Variants in NUCB2 observed in about 807,000 individuals in gnomAD.
The protein encoded by NUCB2 is nucleobindin 2.
NUCB2 carries 48 observed loss-of-function variants against 57.9 expected under a neutral mutation model. The ratio of observed to expected loss-of-function variants is 0.83; its 90% confidence interval spans 0.66 to 1.05. The LOEUF (loss-of-function observed/expected upper bound fraction) is 1.05. NUCB2 is among the 50% of genes least tolerant of loss of function. NUCB2 has a pLI of 0.00. For synonymous variants in NUCB2, 139 were observed against 152.1 expected, an observed-to-expected ratio of 0.91 and a Z score of 0.64; for missense variants, 442 against 476.2, an observed-to-expected ratio of 0.93 and a Z score of 0.67.
chr11:17,344,090 A>T (rs971515781), intron 2 of NUCB2, among the ~76,000 whole-genome samples: 1 of 152,116 alleles, frequency 6.6e-6, no homozygotes, highest in Non-Finnish European at 1.5e-5. Flanking sequence ...TTTCTGACTC[A>T]TGGGGTGGGT....
At chr11:17,284,984 G>C (rs1943379193) in intron 2 of NUCB2, among the ~76,000 whole-genome samples, 1 of 151,074 alleles carries the variant, frequency 6.6e-6, no homozygotes, top group Admixed American at 6.6e-5. Flanking sequence ...ATAAATATTA[G>C]TTTAGTTTTG....
chr11:17,319,903 C>G (rs992763974), intron 11 of NUCB2, among the ~76,000 whole-genome samples: 1 of 152,116 alleles, frequency 6.6e-6, no homozygotes, highest in Non-Finnish European at 1.5e-5. Flanking sequence ...CTCTATCCTC[C>G]TATAGGCCCC....
At chr11:17,287,238 A>C (rs1943910658) in intron 2 of NUCB2, among the ~76,000 whole-genome samples, 1 of 152,114 alleles carries the variant, frequency 6.6e-6, no homozygotes, top group Admixed American at 6.6e-5. Flanking sequence ...AAGCTGAGGC[A>C]AGAGGATCTC....
In NUCB2 at chr11:17,300,805, T is replaced by C. The variant is rs751663885; in HGVS notation, c.253-939T>C. Among the ~76,000 whole-genome samples the C allele has an allele frequency of 1.8e-4, 27 of 152,300 alleles. No homozygotes were observed. In the Middle Eastern group the frequency reaches 0.01, roughly 58 times the overall value. On this transcript the variant is annotated intron_variant, in intron 4 of 13. Transcript: ENST00000529010. ...ATCTAGGAATGGAATTGTTGGGTCA[T>C]GGTAACCCTATGTTTAACTTTCTGA...
chr11:17,317,632 A>G (rs1478505167), intron 11 of NUCB2: 3 of 392,548 alleles, frequency 7.6e-6, no homozygotes, highest in Non-Finnish European at 1.0e-5. Context: ...ATGTTGTACA[A>G]TGTCCCTTGA....
intron 11 of NUCB2, among the ~76,000 whole-genome samples, chr11:17,325,379 A>G (rs1289697510): frequency 2.0e-5 from 3 of 152,148 alleles, no homozygotes; most frequent in Non-Finnish European, 2.9e-5. Flanking sequence ...TGTTGGGTGC[A>G]TATCTGTTTA....
intron 2 of NUCB2, among the ~76,000 whole-genome samples, chr11:17,292,245 A>G (rs968354511): frequency 6.6e-6 from 1 of 152,204 alleles, no homozygotes; most frequent in African/African-American, 2.4e-5. Context: ...GTGCAGCTGT[A>G]ACTAGAATAT....
chr11:17,315,890 G>A (rs542075195), intron 11 of NUCB2, among the ~76,000 whole-genome samples: 15 of 136,920 alleles, frequency 1.1e-4, no homozygotes. Flanking sequence ...TATACAGTAT[G>A]TAAACAATGT....
At chr11:17,331,036 T>C in intron 13 of NUCB2, 53 bp downstream of exon 13, 1 of 1,072,836 alleles carries the variant, frequency 9.3e-7, no homozygotes, top group Non-Finnish European at 1.4e-6. Context: ...TTTTATCAAT[T>C]GAAATCCACA....
intron 11 of NUCB2, among the ~76,000 whole-genome samples, chr11:17,327,203 G>A (rs1950797569): frequency 6.6e-6 from 1 of 152,104 alleles, no homozygotes; most frequent in Admixed American, 6.5e-5. Flanking sequence ...TGGGATTACA[G>A]GTGTGTGCCA....
chr11:17,277,109 C>T (rs214085), intron 1 of NUCB2: 71,642 of 152,058 alleles, frequency 0.47, 17,612 homozygotes, highest in East Asian at 0.8. Flanking sequence ...GGTGCCAAAC[C>T]GAGACCCTGG....
rs1189973709 is a variant in NUCB2 at position 17,296,170 on chromosome 11, T to C, written c.211T>C (p.Phe71Leu). ...TGATGTGCTGGAAACAGATAAACACTTCAGAGAAAAGCTCCAGAAAGCAGA... is the reference window on the plus strand; with the variant it reads ...TGATGTGCTGGAAACAGATAAACACCTCAGAGAAAAGCTCCAGAAAGCAGA... ...VIDVLETDKHFREKLQKADIE... is the reference protein window; with the variant it reads ...VIDVLETDKHLREKLQKADIE... The change falls in exon 4 of 14, where the codon TTC becomes CTC. Residue 71 changes from phenylalanine (F) to leucine (L), a missense_variant. Coordinates refer to ENST00000529010, the MANE Select transcript of NUCB2 (RefSeq NM_005013.4). 6.2e-7 allele frequency: 1 copy of C among 1,611,678 alleles called. No homozygotes were observed. The highest frequency in any genetic ancestry group is 2.2e-5 in the East Asian group (1 of 44,722).
At position 17,330,037 on chromosome 11, in the gene NUCB2, T is replaced by C. The variant is rs1951191788; in HGVS notation, c.1003-90T>C. 1 of 696,864 alleles carries C rather than the reference T, an allele frequency of 1.4e-6. No individual in the cohort carries two copies. Among genetic ancestry groups the C allele is most frequent in the Non-Finnish European group, 2.3e-6 (1 of 428,286 alleles). The allele number at this position is 696,864 out of a possible 1,614,324, so 43.2% of individuals were successfully genotyped here. On this transcript the variant is annotated intron_variant, in intron 11 of 13. Transcript: ENST00000529010. The surrounding 1 kb of genome is among the most constrained non-coding windows in gnomAD (Gnocchi z 4.3). ...AGGCGTAATCCTATAGATACTCTTT[T>C]ATACTTTGCTAACCATAGAATTTTA... is the stretch of plus-strand genomic sequence containing the variant.
chr11:17,320,956 A>G (rs1156582417), intron 11 of NUCB2, among the ~76,000 whole-genome samples: 2 of 152,072 alleles, frequency 1.3e-5, no homozygotes, highest in East Asian at 3.9e-4. Context: ...TTTAATAAGT[A>G]AAATTTGTTG....
chr11:17,287,221 A>G (rs1026261398), intron 2 of NUCB2, among the ~76,000 whole-genome samples: 2 of 152,066 alleles, frequency 1.3e-5, no homozygotes, highest in African/African-American at 4.8e-5. Context: ...GGTCCCAGCT[A>G]CTTGAGAAGC....
downstream of NUCB2, among the ~76,000 whole-genome samples, chr11:17,336,630 T>G (rs1288951853): frequency 6.6e-6 from 1 of 151,056 alleles, no homozygotes; most frequent in East Asian, 2.0e-4. Flanking sequence ...GGCGGGCGCC[T>G]GTAGTCCCAG....
intron 6 of NUCB2, among the ~76,000 whole-genome samples, chr11:17,310,602 T>C (rs1948340238): frequency 6.6e-6 from 1 of 151,902 alleles, no homozygotes; most frequent in Middle Eastern, 3.2e-3. Context: ...GCCGAAATCG[T>C]GCCACTGCAC....
At chr11:17,281,417 A>G (rs1007799288) in intron 1 of NUCB2, among the ~76,000 whole-genome samples, 1 of 152,098 alleles carries the variant, frequency 6.6e-6, no homozygotes, top group African/African-American at 2.4e-5. Flanking sequence ...ACCATGCCCA[A>G]CCTGGTCTTG....
chr11:17,316,762 C>T (rs1198524348), intron 11 of NUCB2, among the ~76,000 whole-genome samples: 1 of 152,108 alleles, frequency 6.6e-6, no homozygotes, highest in Non-Finnish European at 1.5e-5. Flanking sequence ...AGAACATAGT[C>T]TTTTTCTACA....
Sources: gnomAD v4.1 joint callset for allele counts (sites outside exome capture counted in the v4.1 genomes callset) on GRCh38, gnomAD v4.1.1 for gene constraint, Gnocchi (gnomAD v3.1) non-coding constraint, MANE v1.5 for transcripts, NCBI Gene and HGNC (gene_info 2026-07-23, HGNC 2026-07-21) for gene names.